The following BAZ1A variants were observed in gnomAD, a reference collection of about 807,000 sequenced individuals.
The protein encoded by BAZ1A is bromodomain adjacent to zinc finger domain protein 1A.
In BAZ1A, 50 loss-of-function variants were observed where a neutral mutation model predicts 185.2. The observed-to-expected ratio is 0.27, with a 90% confidence interval of 0.22 to 0.34. BAZ1A has a LOEUF of 0.34. BAZ1A is among the 10% of genes least tolerant of loss of function. The pLI is 1.00. For missense variants in BAZ1A, 1,356 were observed against 1,839.9 expected (o/e 0.74, Z 4.81); for synonymous variants, 571 against 615.6 (o/e 0.93, Z 1.07).
intron 3 of BAZ1A, among the ~76,000 whole-genome samples, chr14:34,852,052 G>A (rs1033879498): frequency 5.9e-5 from 9 of 152,010 alleles, no homozygotes; most frequent in Non-Finnish European, 1.2e-4. Flanking sequence ...GTGTGAACCC[G>A]GGAGATGGAG....
At chr14:34,786,269 A>C (rs778640116) in intron 12 of BAZ1A, 48 bp from the exon 13 acceptor site, 3 of 1,520,690 alleles carry the variant, frequency 2.0e-6, no homozygotes, top group Admixed American at 2.1e-5. Context: ...AAGCTTGAAT[A>C]TTTGGGAATA....
At chr14:34,770,343 G>C (rs1364004973) in intron 21 of BAZ1A, among the ~76,000 whole-genome samples, 1 of 151,986 alleles carries the variant, frequency 6.6e-6, no homozygotes, top group Non-Finnish European at 1.5e-5. Context: ...AGTAGAGACG[G>C]GGTTTCACCA....
At position 34,862,172 on chromosome 14, in the gene BAZ1A, T is replaced by C; in HGVS notation, c.264A>G (p.Pro88=). 1 of 1,614,188 alleles carries C rather than the reference T, an allele frequency of 6.2e-7. No individual in the cohort carries two copies. The highest frequency in any genetic ancestry group is 8.5e-7 in the Non-Finnish European group (1 of 1,180,040). ...LQSFPEPLII[P]VLYLTSLTHR... ...GGGTAAGGCTGGTCAAGTATAAAAC[T>C]GGAATAATTAGTGGTTCTGGAAAAC... The change falls in exon 3 of 27, where the codon CCA becomes CCG. Residue 88 remains proline, a synonymous_variant. Coordinates refer to ENST00000360310, the MANE Select transcript of BAZ1A (RefSeq NM_013448.3).
chr14:34,852,632 T>C (rs998321081), intron 3 of BAZ1A, among the ~76,000 whole-genome samples: 5 of 151,976 alleles, frequency 3.3e-5, no homozygotes, highest in African/African-American at 9.6e-5. Flanking sequence ...AAAAATAAAA[T>C]AAAGTGCATG....
intron 2 of BAZ1A, among the ~76,000 whole-genome samples, chr14:34,870,974 A>C (rs2042940733): frequency 2.0e-5 from 3 of 152,212 alleles, no homozygotes; most frequent in Admixed American, 6.5e-5. Flanking sequence ...ACCACCTGTT[A>C]GTGATGTTGT....
intron 3 of BAZ1A, among the ~76,000 whole-genome samples, chr14:34,849,898 C>A (rs1000496124): frequency 6.6e-6 from 1 of 152,226 alleles, no homozygotes; most frequent in Non-Finnish European, 1.5e-5. Flanking sequence ...AACATCTTAA[C>A]TGTGCCTCTT....
chr14:34,831,949 CTT>C (rs1396299229), intron 3 of BAZ1A, among the ~76,000 whole-genome samples: 2 of 152,070 alleles, frequency 1.3e-5, no homozygotes, highest in African/African-American at 2.4e-5. Flanking sequence ...AATCCCAGCA[CTT>C]TGGCAGGCTG....
At chr14:34,758,683 T>C (rs1886376786) in intron 25 of BAZ1A, 21 bp downstream of exon 25, 2 of 1,611,188 alleles carry the variant, frequency 1.2e-6, no homozygotes, top group Non-Finnish European at 1.7e-6. Context: ...AGGAATACAT[T>C]TTATCAAGTC....
At chr14:34,836,869 T>C (rs1566588690) in intron 3 of BAZ1A, among the ~76,000 whole-genome samples, 1 of 151,972 alleles carries the variant, frequency 6.6e-6, no homozygotes, top group Non-Finnish European at 1.5e-5. Flanking sequence ...AAGGAAAAGA[T>C]TGCTTTGTTT....
chr14:34,812,741 G>A (rs1594865634), intron 4 of BAZ1A, among the ~76,000 whole-genome samples: 1 of 152,176 alleles, frequency 6.6e-6, no homozygotes, highest in East Asian at 1.9e-4. Context: ...TTGGCAATGA[G>A]AATAAGATAT....
intron 3 of BAZ1A, among the ~76,000 whole-genome samples, chr14:34,852,452 A>T (rs997975207): frequency 2.6e-5 from 4 of 152,024 alleles, no homozygotes; most frequent in African/African-American, 9.7e-5. Flanking sequence ...AACTGTCTCT[A>T]CTGAAAATAC....
In BAZ1A at chr14:34,752,769, A is replaced by AGTT. The variant is rs1459578499; in HGVS notation, c.*736_*738dup. On this transcript the variant is annotated 3_prime_UTR_variant, in exon 27 of 27. Coordinates refer to ENST00000360310, the MANE Select transcript of BAZ1A (RefSeq NM_013448.3). Reference sequence around the variant, plus strand: ...TGTTATTTTATTTGTACAGTTAAAAAGTTATACATAGAAACTTATAATACA... The same window carrying AGTT: ...TGTTATTTTATTTGTACAGTTAAAAAGTTGTTATACATAGAAACTTATAATACA... 6.6e-6 allele frequency: 1 copy of AGTT among 152,206 alleles called. No individual in the cohort carries two copies. Among genetic ancestry groups the AGTT allele is most frequent in the African/African-American group, 2.4e-5 (1 of 41,462 alleles). 9.4% of individuals were successfully genotyped at this position (152,206 alleles called of 1,614,324 possible). A position where few individuals can be genotyped will look rare whatever the true frequency, so the allele number is the denominator to read the frequency against.
At chr14:34,763,421 TA>T (rs1162162277) in intron 23 of BAZ1A, among the ~76,000 whole-genome samples, 1,378 of 134,012 alleles carry the variant, frequency 0.01, 8 homozygotes, top group Non-Finnish European at 0.013. Context: ...TTCAAATGTT[TA>T]AAAAAAAAAA....
At chr14:34,872,006 C>G (rs532873549) in intron 2 of BAZ1A, among the ~76,000 whole-genome samples, 1 of 152,266 alleles carries the variant, frequency 6.6e-6, no homozygotes, top group South Asian at 2.1e-4. Flanking sequence ...TAATCATTTG[C>G]GAGAAACAGA....
At chr14:34,869,225 A>AC (rs980791598) in intron 2 of BAZ1A, among the ~76,000 whole-genome samples, 25 of 152,144 alleles carry the variant, frequency 1.6e-4, no homozygotes, top group South Asian at 8.3e-4. Flanking sequence ...TAAATAAATA[A>AC]ATAACATAAC....
intron 21 of BAZ1A, among the ~76,000 whole-genome samples, chr14:34,767,961 A>C (rs1207744079): frequency 2.0e-5 from 3 of 152,198 alleles, no homozygotes; most frequent in Non-Finnish European, 4.4e-5. Flanking sequence ...CCCAATTCTT[A>C]TTCTAGTCCA....
intron 20 of BAZ1A, 71 bp from the exon 21 acceptor site, chr14:34,771,730 G>C: frequency 2.8e-6 from 4 of 1,404,320 alleles, no homozygotes; most frequent in African/African-American, 1.4e-5. Context: ...TCCATTCATT[G>C]GTTCAAATGC....
chr14:34,793,041 T>A, intron 11 of BAZ1A, 120 bp from the exon 12 acceptor site: 1 of 871,954 alleles, frequency 1.1e-6, no homozygotes, highest in Non-Finnish European at 1.7e-6. Flanking sequence ...AGCATCAATT[T>A]ATGAAAGTAT....
At position 34,844,777 on chromosome 14, in the gene BAZ1A, GCACACACACACA is replaced by G. The variant is rs4007479; in HGVS notation, c.392+17255_392+17266del. Among the ~76,000 whole-genome samples, 690 of 86,860 alleles carry G rather than the reference GCACACACACACA, an allele frequency of 7.9e-3. 4 individuals carry two copies. Among genetic ancestry groups the G allele is most frequent in the African/African-American group, 0.023 (611 of 26,992 alleles). 57.0% of individuals were successfully genotyped at this position (86,860 alleles called of 152,430 possible). ...TGTCTAAACACACACACACACACGC[GCACACACACACA>G]CACACACACACACACACACACACAA... On this transcript the variant is annotated intron_variant, in intron 3 of 26. Transcript: ENST00000360310.
Sources: allele counts gnomAD v4.1 joint callset (sites outside exome capture counted in the v4.1 genomes callset), GRCh38; gene constraint gnomAD v4.1.1; transcripts MANE v1.5; gene names NCBI Gene and HGNC (gene_info 2026-07-23, HGNC 2026-07-21).